Variants in NFIL3 observed in about 807,000 individuals in gnomAD.
NFIL3 encodes the protein nuclear factor, interleukin 3 regulated, also known as nuclear factor interleukin-3-regulated protein.
A neutral mutation model predicts 10.0 loss-of-function variants in NFIL3; 5 were observed. That is an observed-to-expected ratio of 0.50 (90% CI 0.26 to 1.06). The LOEUF is 1.06. Ranked by LOEUF, NFIL3 falls within the 50% of genes least tolerant of loss-of-function variation. The pLI, the probability that NFIL3 is intolerant of heterozygous loss-of-function variation, is 0.13. For synonymous variants in NFIL3, 202 were observed against 206.5 expected (o/e 0.98, Z 0.19); for missense variants, 436 against 547.6 (o/e 0.80, Z 2.03).
the NFIL3 span, among the ~76,000 whole-genome samples, chr9:91,454,284 T>C: frequency 6.6e-6 from 1 of 151,320 alleles, no homozygotes; most frequent in East Asian, 1.9e-4. Context: ...ATGATTTGTG[T>C]TCCCTAAGCA....
the NFIL3 span, among the ~76,000 whole-genome samples, chr9:91,434,047 A>T: frequency 6.6e-6 from 1 of 152,182 alleles, no homozygotes; most frequent in Admixed American, 6.5e-5. Flanking sequence ...AAAGATGATG[A>T]TTACCCCCAA....
At chr9:91,483,375 G>C in the NFIL3 span, among the ~76,000 whole-genome samples, 3 of 152,188 alleles carry the variant, frequency 2.0e-5, no homozygotes, top group Non-Finnish European at 4.4e-5. Flanking sequence ...GCCTGGAGAG[G>C]ACAAGAGGAC....
At chr9:91,478,728 T>A in the NFIL3 span, among the ~76,000 whole-genome samples, 1 of 152,064 alleles carries the variant, frequency 6.6e-6, no homozygotes, top group Admixed American at 6.5e-5. Flanking sequence ...AGATGTTCTG[T>A]TTTTTGGAAT....
chr9:91,452,198 A>G, the NFIL3 span, among the ~76,000 whole-genome samples: 14 of 152,174 alleles, frequency 9.2e-5, no homozygotes, highest in Non-Finnish European at 1.6e-4. Context: ...ACACCAAAAC[A>G]ATATTTAAAA....
the NFIL3 span, among the ~76,000 whole-genome samples, chr9:91,440,898 G>C: frequency 2.0e-5 from 3 of 152,052 alleles, no homozygotes; most frequent in African/African-American, 7.2e-5. Flanking sequence ...TTTAAAATTT[G>C]TTAAGGGTTG....
intron 1 of NFIL3, among the ~76,000 whole-genome samples, chr9:91,414,220 T>C (rs1166671910): frequency 6.6e-6 from 1 of 152,248 alleles, no homozygotes; most frequent in Non-Finnish European, 1.5e-5. Context: ...TTTTTGTTTT[T>C]GAGACAGAGT....
chr9:91,429,387 A>T, the NFIL3 span, among the ~76,000 whole-genome samples: 1 of 152,182 alleles, frequency 6.6e-6, no homozygotes, highest in Non-Finnish European at 1.5e-5. Flanking sequence ...TGCCACCAGC[A>T]TATATTGCAG....
At chr9:91,437,671 C>A in the NFIL3 span, among the ~76,000 whole-genome samples, 11 of 152,276 alleles carry the variant, frequency 7.2e-5, no homozygotes, top group South Asian at 2.3e-3. Flanking sequence ...TTTCTACCTC[C>A]CTAGCCCCAC....
intron 1 of NFIL3, among the ~76,000 whole-genome samples, chr9:91,418,882 GTTAC>G (rs1833707778): frequency 6.7e-6 from 1 of 149,972 alleles, no homozygotes; most frequent in African/African-American, 2.5e-5. Flanking sequence ...CTACAGTAAA[GTTAC>G]TTACAAAGAA....
At chr9:91,445,739 A>G in the NFIL3 span, among the ~76,000 whole-genome samples, 1 of 152,132 alleles carries the variant, frequency 6.6e-6, no homozygotes, top group African/African-American at 2.4e-5. Flanking sequence ...TGGAGATGCA[A>G]CTGCCAGAGG....
the NFIL3 span, among the ~76,000 whole-genome samples, chr9:91,468,111 C>A: frequency 6.6e-6 from 1 of 152,224 alleles, no homozygotes; most frequent in African/African-American, 2.4e-5. Context: ...GGAATCACCA[C>A]ACTGTCTTCC....
the NFIL3 span, among the ~76,000 whole-genome samples, chr9:91,483,374 G>A: frequency 2.0e-5 from 3 of 152,182 alleles, no homozygotes; most frequent in Non-Finnish European, 4.4e-5. Flanking sequence ...AGCCTGGAGA[G>A]GACAAGAGGA....
chr9:91,409,219 C>A lies in NFIL3; in HGVS notation c.*127G>T. 1.1e-6 allele frequency: 1 copy of A among 870,556 alleles called. No homozygotes were observed. Among genetic ancestry groups the A allele is most frequent in the South Asian group, 1.9e-5 (1 of 52,650 alleles). 53.9% of individuals were successfully genotyped at this position (870,556 alleles called of 1,614,324 possible). A position where few individuals can be genotyped will look rare whatever the true frequency, so the allele number is the denominator to read the frequency against. On this transcript the variant is annotated 3_prime_UTR_variant, in exon 2 of 2. Coordinates refer to ENST00000297689, the MANE Select transcript of NFIL3 (RefSeq NM_005384.3). ...AATCTGTGCACAAAAAGACACCAAA[C>A]AGACAACATGTGCACATCACAGTGA... is the stretch of plus-strand genomic sequence containing the variant.
At chr9:91,480,327 T>TCTA in the NFIL3 span, among the ~76,000 whole-genome samples, 2 of 152,126 alleles carry the variant, frequency 1.3e-5, no homozygotes, top group South Asian at 2.1e-4. Flanking sequence ...TAAATTATAG[T>TCTA]AGTTAAACCC....
At chr9:91,417,971 ATTAAAT>A (rs1486286860) in intron 1 of NFIL3, among the ~76,000 whole-genome samples, 2 of 152,172 alleles carry the variant, frequency 1.3e-5, no homozygotes, top group Non-Finnish European at 2.9e-5. Context: ...CTAGCTGAAA[ATTAAAT>A]TTAAATTTAA....
At position 91,412,633 on chromosome 9, in the gene NFIL3, CAGG is replaced by C. The variant is rs1302938437; in HGVS notation, c.-172-1730_-172-1728del. ...CCGAGGTGGGCGGATCACCTGAGGT[CAGG>C]AGTTCGAGACCAGCCTGGCTAACAT... On this transcript the variant is annotated intron_variant, in intron 1 of 1. Transcript: ENST00000297689. Among the ~76,000 whole-genome samples the C allele has an allele frequency of 1.6e-4, 24 of 152,224 alleles. No individual in the cohort carries two copies. The East Asian group carries it at 4.6e-3, about 29-fold the overall frequency.
chr9:91,460,571 C>T, the NFIL3 span, among the ~76,000 whole-genome samples: 2 of 152,042 alleles, frequency 1.3e-5, no homozygotes, highest in African/African-American at 2.4e-5. Context: ...GCCACCACGC[C>T]CAGCTTGGGG....
chr9:91,471,379 T>C, the NFIL3 span, among the ~76,000 whole-genome samples: 1 of 151,910 alleles, frequency 6.6e-6, no homozygotes, highest in Non-Finnish European at 1.5e-5. Flanking sequence ...TGTATCTTCC[T>C]CCATCCCTTT....
chr9:91,463,366 AC>A, the NFIL3 span, among the ~76,000 whole-genome samples: 2 of 151,556 alleles, frequency 1.3e-5, no homozygotes, highest in South Asian at 4.1e-4. Context: ...GCTGCATTCC[AC>A]AACTGTTGAT....
Sources: allele counts gnomAD v4.1 joint callset (sites outside exome capture counted in the v4.1 genomes callset), GRCh38; gene constraint gnomAD v4.1.1; transcripts MANE v1.5; gene names NCBI Gene and HGNC (gene_info 2026-07-23, HGNC 2026-07-21).